NAALADL2: variants seen among roughly 807,000 people sequenced by gnomAD.
NAALADL2 encodes inactive N-acetylated-alpha-linked acidic dipeptidase-like protein 2.
A neutral mutation model predicts 87.2 loss-of-function variants in NAALADL2; 76 were observed. The ratio of observed to expected loss-of-function variants is 0.87; its 90% CI spans 0.72 to 1.05. The LOEUF is 1.05. NAALADL2 is among the 50% of genes least tolerant of loss of function. NAALADL2 has a pLI of 0.00. For missense variants in NAALADL2, 1,089 were observed against 945.8 expected (o/e 1.15, Z -1.99); for synonymous variants, 354 against 331.0 (o/e 1.07, Z -0.75).
At chr3:175,570,166 ACCAATGTTCTAGTT>A (rs1293415684) in intron 9 of NAALADL2, among the ~76,000 whole-genome samples, 2 of 152,136 alleles carry the variant, frequency 1.3e-5, no homozygotes, top group Non-Finnish European at 2.9e-5. Context: ...AAAGGAAAAG[ACCAATGTTCTAGTT>A]CAAGGCAGTC....
At chr3:174,441,437 C>T (rs1714610845) in intron 1 of NAALADL2, among the ~76,000 whole-genome samples, 1 of 152,156 alleles carries the variant, frequency 6.6e-6, no homozygotes, top group Admixed American at 6.5e-5. Context: ...GCACGCCGGC[C>T]AGGCAGCCCG....
intron 5 of NAALADL2, among the ~76,000 whole-genome samples, chr3:175,338,306 C>T (rs1271391797): frequency 2.6e-5 from 4 of 152,038 alleles, no homozygotes; most frequent in East Asian, 1.9e-4. Context: ...GGTTCATATT[C>T]GATTTTAAAT....
chr3:175,131,205 G>A (rs915665083), intron 2 of NAALADL2, among the ~76,000 whole-genome samples: 7 of 149,288 alleles, frequency 4.7e-5, no homozygotes, highest in Non-Finnish European at 1.0e-4. Context: ...CGCAGAGGGG[G>A]ATTTGGCAGG....
At chr3:175,244,693 A>G (rs570533608) in intron 3 of NAALADL2, among the ~76,000 whole-genome samples, 5 of 152,124 alleles carry the variant, frequency 3.3e-5, no homozygotes, top group Non-Finnish European at 5.9e-5. Flanking sequence ...CATTCCTTCA[A>G]GGACTATGTA....
intron 1 of NAALADL2, among the ~76,000 whole-genome samples, chr3:174,985,417 T>C (rs1745721083): frequency 6.6e-6 from 1 of 152,194 alleles, no homozygotes; most frequent in African/African-American, 2.4e-5. Context: ...TATCAATGTA[T>C]CTCTGTTTCA....
chr3:174,875,112 CAAAAAAAAA>C (rs10547300), intron 1 of NAALADL2, among the ~76,000 whole-genome samples: 1,627 of 41,558 alleles, frequency 0.039, 34 homozygotes, highest in African/African-American at 0.12. Flanking sequence ...GACCCTGTCT[CAAAAAAAAA>C]AAAAAAAAAA....
intron 3 of NAALADL2, among the ~76,000 whole-genome samples, chr3:174,796,072 C>A (rs1312821228): frequency 2.0e-5 from 3 of 151,922 alleles, no homozygotes; most frequent in Admixed American, 1.3e-4. Context: ...CTAGATAGAC[C>A]CTAGTCTAAT....
At position 175,627,358 on chromosome 3, in the gene NAALADL2, C is replaced by G. The variant is rs1433549692; in HGVS notation, c.1868C>G (p.Ser623Cys). ...RATKIEEMDPSFNLHETITKL... is the reference protein window; with the variant it reads ...RATKIEEMDPCFNLHETITKL... ...ACAAAAATTGAAGAAATGGATCCCT[C>G]TTTCAACCTTCATGAAACCATTACT... Residue 623 changes from serine to cysteine, a missense_variant, in exon 11 of 14, where the codon TCT becomes TGT. Transcript: ENST00000454872. The G allele has an allele frequency of 2.6e-6, 4 of 1,563,398 alleles. No homozygotes were observed. The highest frequency in any genetic ancestry group is 3.5e-6 in the Non-Finnish European group (4 of 1,151,668).
intron 1 of NAALADL2, among the ~76,000 whole-genome samples, chr3:175,079,648 T>G (rs1717352144): frequency 6.6e-6 from 1 of 152,202 alleles, no homozygotes. Context: ...AAAGAATGAT[T>G]TTTAATTTTT....
intron 9 of NAALADL2, among the ~76,000 whole-genome samples, chr3:175,489,622 T>A (rs2149340737): frequency 6.6e-6 from 1 of 152,330 alleles, no homozygotes; most frequent in East Asian, 1.9e-4. Flanking sequence ...TACCATAGTG[T>A]CTTATGTGAA....
At chr3:174,533,829 G>A (rs1166287795) in intron 1 of NAALADL2, among the ~76,000 whole-genome samples, 1 of 151,982 alleles carries the variant, frequency 6.6e-6, no homozygotes, top group African/African-American at 2.4e-5. Context: ...AGAAAAGAGA[G>A]GACATTTCAG....
At chr3:174,471,057 C>A (rs1716864970) in intron 1 of NAALADL2, among the ~76,000 whole-genome samples, 1 of 152,090 alleles carries the variant, frequency 6.6e-6, no homozygotes, top group South Asian at 2.1e-4. Flanking sequence ...ATTTTAAAAT[C>A]TTTTCAGAGA....
rs368521863 is a variant in NAALADL2, at chr3:174,919,725, A to C, written c.43+60275A>C. Among the ~76,000 whole-genome samples the C allele has an allele frequency of 2.8e-4, 42 of 152,328 alleles. 2 individuals carry two copies. The South Asian group carries it at 8.7e-3, about 32-fold the overall frequency. ...TTATTAATGGCGTATAGAATGATAA[A>C]TTATTTCCAAAAGGTTTTCAATTTA... On this transcript the variant is annotated intron_variant, in intron 1 of 13. Transcript: ENST00000454872.
At chr3:174,808,724 A>T (rs1192265419) in intron 3 of NAALADL2, among the ~76,000 whole-genome samples, 1 of 152,070 alleles carries the variant, frequency 6.6e-6, no homozygotes, top group East Asian at 1.9e-4. Flanking sequence ...ATGATGAAAA[A>T]ACTAGAATTT....
At chr3:174,743,169 G>A (rs1733920877) in intron 3 of NAALADL2, among the ~76,000 whole-genome samples, 2 of 151,690 alleles carry the variant, frequency 1.3e-5, no homozygotes, top group Admixed American at 1.3e-4. Flanking sequence ...CGTATGTTTA[G>A]ACTTGTTGGA....
At chr3:174,874,905 A>G (rs1411242832) in intron 1 of NAALADL2, among the ~76,000 whole-genome samples, 2 of 151,778 alleles carry the variant, frequency 1.3e-5, no homozygotes, top group African/African-American at 4.8e-5. Context: ...CCCTTGAGCC[A>G]AGGAGGTTGA....
At chr3:175,177,003 A>G (rs1409609410) in intron 2 of NAALADL2, among the ~76,000 whole-genome samples, 2 of 152,132 alleles carry the variant, frequency 1.3e-5, no homozygotes, top group East Asian at 3.8e-4. Context: ...AATAAACCGT[A>G]GACTGTGTGA....
intron 1 of NAALADL2, among the ~76,000 whole-genome samples, chr3:174,883,588 A>G (rs1729696384): frequency 6.6e-6 from 1 of 152,194 alleles, no homozygotes; most frequent in Non-Finnish European, 1.5e-5. Context: ...TCTTAGTACA[A>G]GTGTATACAT....
chr3:174,741,600 A>T (rs561186570), intron 3 of NAALADL2, among the ~76,000 whole-genome samples: 1 of 151,606 alleles, frequency 6.6e-6, no homozygotes, highest in African/African-American at 2.4e-5. Flanking sequence ...GGTATAAAAG[A>T]AAAAACAATA....
Sources: gnomAD v4.1 joint callset for allele counts (sites outside exome capture counted in the v4.1 genomes callset) on GRCh38, gnomAD v4.1.1 for gene constraint, MANE v1.5 for transcripts, NCBI Gene and HGNC (gene_info 2026-07-23, HGNC 2026-07-21) for gene names.